NRXN3: variants seen among roughly 807,000 people sequenced by gnomAD.
NRXN3 encodes the protein neurexin 3, also known as neurexin III.
NRXN3 carries 32 observed loss-of-function variants against 137.6 expected under a neutral mutation model. That is an observed-to-expected ratio of 0.23 (90% CI 0.18 to 0.31). The LOEUF is 0.31. NRXN3 is among the 10% of genes least tolerant of loss of function. The pLI is 1.00. For missense variants in NRXN3, 1,574 were observed against 2,062.5 expected (o/e 0.76, Z 4.59); for synonymous variants, 798 against 784.5 (o/e 1.02, Z -0.29).
At chr14:78,308,703 T>C (rs1051826159) in intron 4 of NRXN3, among the ~76,000 whole-genome samples, 3 of 152,058 alleles carry the variant, frequency 2.0e-5, no homozygotes, top group Non-Finnish European at 4.4e-5. Context: ...CTTGATACTA[T>C]AAAAAATAAA....
chr14:78,512,924 C>T (rs769272660), intron 4 of NRXN3, among the ~76,000 whole-genome samples: 1 of 152,164 alleles, frequency 6.6e-6, no homozygotes, highest in Admixed American at 6.5e-5. Flanking sequence ...TTGCTTTCTG[C>T]CCCGTAGGAT....
chr14:78,440,483 G>T (rs968841280), intron 4 of NRXN3, among the ~76,000 whole-genome samples: 6 of 152,042 alleles, frequency 3.9e-5, no homozygotes, highest in African/African-American at 1.4e-4. Flanking sequence ...ATGCTTTGTT[G>T]GGAGATAAGT....
chr14:78,553,862 C>A (rs900957482), intron 4 of NRXN3, among the ~76,000 whole-genome samples: 2 of 152,186 alleles, frequency 1.3e-5, no homozygotes, highest in Admixed American at 6.5e-5. Flanking sequence ...TTGTTTAACT[C>A]TCTCTACCAG....
chr14:78,310,331 C>T (rs1471723769), intron 4 of NRXN3, among the ~76,000 whole-genome samples: 2 of 135,840 alleles, frequency 1.5e-5, no homozygotes, highest in Admixed American at 8.2e-5. Flanking sequence ...GTAGGAATTA[C>T]TTGTTTAGAA....
At chr14:78,172,376 G>C (rs754646523) in intron 1 of NRXN3, among the ~76,000 whole-genome samples, 11 of 152,136 alleles carry the variant, frequency 7.2e-5, no homozygotes, top group Non-Finnish European at 1.2e-4. Flanking sequence ...AGTTAAAATG[G>C]TCCCGCTGGT....
intron 15 of NRXN3, among the ~76,000 whole-genome samples, chr14:79,154,911 C>G (rs996530678): frequency 1.3e-5 from 2 of 151,870 alleles, no homozygotes; most frequent in African/African-American, 4.8e-5. Context: ...ATCAACTGAC[C>G]AGCTTAAACC....
At chr14:78,430,066 T>G (rs1173275050) in intron 4 of NRXN3, among the ~76,000 whole-genome samples, 1 of 152,098 alleles carries the variant, frequency 6.6e-6, no homozygotes, top group African/African-American at 2.4e-5. Context: ...AGACCCCACC[T>G]CTAAAACAAA....
chr14:79,084,385 T>G (rs965267308), intron 15 of NRXN3, among the ~76,000 whole-genome samples: 1 of 152,172 alleles, frequency 6.6e-6, no homozygotes, highest in Non-Finnish European at 1.5e-5. Flanking sequence ...AAAATTCCAG[T>G]AGTCAACTCT....
intron 10 of NRXN3, among the ~76,000 whole-genome samples, chr14:78,898,554 C>CGTGTGTGTGTGTGT (rs66861661): frequency 2.9e-5 from 4 of 136,262 alleles, no homozygotes; most frequent in Non-Finnish European, 3.2e-5. Flanking sequence ...AGCTGGGTTT[C>CGTGTGTGTGTGTGT]GTGTGTGTGT....
chr14:79,612,565 C>G (rs2098116029), intron 16 of NRXN3, among the ~76,000 whole-genome samples: 1 of 152,160 alleles, frequency 6.6e-6, no homozygotes, highest in South Asian at 2.1e-4. Context: ...TAACAAATCC[C>G]CAACAAGCCA....
intron 2 of NRXN3, among the ~76,000 whole-genome samples, chr14:78,274,214 T>C (rs1285150236): frequency 6.6e-6 from 1 of 152,242 alleles, no homozygotes; most frequent in Non-Finnish European, 1.5e-5. Flanking sequence ...GTTCTCATGC[T>C]TCTGTGAAGG....
At chr14:79,385,230 C>T (rs1317163396) in intron 15 of NRXN3, among the ~76,000 whole-genome samples, 3 of 122,044 alleles carry the variant, frequency 2.5e-5, no homozygotes, top group Admixed American at 2.1e-4. Context: ...CCACCACAGT[C>T]CCCAGAGTGT....
At chr14:78,678,505 G>T (rs1175862042) in intron 6 of NRXN3, among the ~76,000 whole-genome samples, 3 of 152,026 alleles carry the variant, frequency 2.0e-5, no homozygotes, top group Non-Finnish European at 2.9e-5. Flanking sequence ...CATATACCTA[G>T]AAGTGCAGTT....
intron 16 of NRXN3, among the ~76,000 whole-genome samples, chr14:79,504,962 C>A (rs2096862782): frequency 6.6e-6 from 1 of 151,984 alleles, no homozygotes; most frequent in Non-Finnish European, 1.5e-5. Context: ...CACTTGTAAT[C>A]CCAGCACTTT....
At chr14:79,141,543 A>G (rs1259810408) in intron 15 of NRXN3, among the ~76,000 whole-genome samples, 2 of 152,226 alleles carry the variant, frequency 1.3e-5, no homozygotes, top group African/African-American at 4.8e-5. Flanking sequence ...ATGGAGGTGA[A>G]GAGGTTACCT....
In NRXN3 at chr14:79,171,734, A is replaced by G. The variant is rs184887244; in HGVS notation, c.3262+183593A>G. Among the ~76,000 whole-genome samples, 293 of 152,228 alleles carry G rather than the reference A, an allele frequency of 1.9e-3. 1 individual carries two copies. Among genetic ancestry groups the G allele is most frequent in the African/African-American group, 6.0e-3 (249 of 41,558 alleles). ...TGGTTATTGTTGAAAATATATGGGG[A>G]AAAAATGGCAAAAGAAATAGGCCCT... is the stretch of plus-strand genomic sequence containing the variant. On this transcript the variant is annotated intron_variant, in intron 15 of 20. Coordinates refer to ENST00000335750, the MANE Select transcript of NRXN3 (RefSeq NM_001330195.2).
intron 20 of NRXN3, among the ~76,000 whole-genome samples, chr14:79,828,781 A>C (rs2099313702): frequency 6.6e-6 from 1 of 151,256 alleles, no homozygotes; most frequent in Non-Finnish European, 1.5e-5. Flanking sequence ...TCAGTGTCTT[A>C]TTGTGCTTCT....
At chr14:79,804,879 G>T (rs562936095) in intron 19 of NRXN3, among the ~76,000 whole-genome samples, 3 of 152,040 alleles carry the variant, frequency 2.0e-5, no homozygotes, top group African/African-American at 7.2e-5. Flanking sequence ...ACCATCTTGG[G>T]TCACTCAGCT....
At chr14:79,841,546 T>C (rs1237066562) in intron 20 of NRXN3, among the ~76,000 whole-genome samples, 4 of 152,234 alleles carry the variant, frequency 2.6e-5, no homozygotes, top group Non-Finnish European at 5.9e-5. Context: ...AAGGTCCCAC[T>C]GCTCCTGTGT....
Sources: gnomAD v4.1 joint callset for allele counts (sites outside exome capture counted in the v4.1 genomes callset) on GRCh38, gnomAD v4.1.1 for gene constraint, MANE v1.5 for transcripts, NCBI Gene and HGNC (gene_info 2026-07-23, HGNC 2026-07-21) for gene names.